ABCA3: variants seen among roughly 807,000 people sequenced by gnomAD.
The protein encoded by ABCA3 is phospholipid-transporting ATPase ABCA3.
ABCA3 carries 88 observed loss-of-function variants against 172.8 expected under a neutral mutation model. The ratio of observed to expected loss-of-function variants is 0.51; its 90% CI spans 0.43 to 0.61. The LOEUF is 0.61. Among genes scored for constraint, ABCA3 ranks in the 20% least tolerant of loss-of-function variants. The pLI, the probability that ABCA3 is intolerant of heterozygous loss-of-function variation, is 0.00. For missense variants in ABCA3, 2,164 were observed against 2,301.0 expected, an observed-to-expected ratio of 0.94 and a Z score of 1.22; for synonymous variants, 1,066 against 983.8, an observed-to-expected ratio of 1.08 and a Z score of -1.56.
At chr16:2,319,301 C>T (rs1328407078) in intron 8 of ABCA3, among the ~76,000 whole-genome samples, 17 of 152,036 alleles carry the variant, frequency 1.1e-4, no homozygotes, top group East Asian at 3.9e-4. Context: ...CTGGCTAACA[C>T]GGTGAAACCA....
At position 2,284,362 on chromosome 16, in the gene ABCA3, G is replaced by C; in HGVS notation, c.3779C>G (p.Ala1260Gly). ...LVLPNHCLGM[A>G]VSSFYENYET... is the part of the protein sequence containing the mutation. ...GTAGTTCTCGTAGAAACTGCTGACT[G>C]CCATCCCCAGACAGTGGTTGGGCAG... is the stretch of plus-strand genomic sequence containing the variant. Residue 1260 changes from alanine to glycine, a missense_variant, in exon 25 of 33, where the codon GCA (alanine) becomes GGA (glycine). Ala to Gly is a moderately conservative substitution (Grantham distance 60). Around this residue, in one of 3 missense-constraint regions of ABCA3, gnomAD observed 795 missense variants for 881.9 expected, o/e 0.90. Coordinates refer to ENST00000301732, the MANE Select transcript of ABCA3 (RefSeq NM_001089.3). The surrounding 1 kb of genome is among the most constrained non-coding windows in gnomAD (Gnocchi z 5.9). 1 of 1,613,994 alleles carries C rather than the reference G, an allele frequency of 6.2e-7. No homozygotes were observed. The highest frequency in any genetic ancestry group is 1.1e-5 in the South Asian group (1 of 91,088).
At chr16:2,294,917 A>C (rs944275481) in intron 18 of ABCA3, among the ~76,000 whole-genome samples, 1 of 152,154 alleles carries the variant, frequency 6.6e-6, no homozygotes, top group African/African-American at 2.4e-5. Context: ...TGGGAGGCAG[A>C]GGTTGCAGTG....
intron 12 of ABCA3, 110 bp downstream of exon 12, chr16:2,303,859 C>G (rs1322899911): frequency 2.4e-6 from 3 of 1,261,844 alleles, no homozygotes; most frequent in Non-Finnish European, 2.3e-6. Flanking sequence ...TGTGTGCCAG[C>G]CCCACGCAGG....
At chr16:2,312,012 G>C (rs992664446) in intron 10 of ABCA3, among the ~76,000 whole-genome samples, 4 of 152,130 alleles carry the variant, frequency 2.6e-5, no homozygotes, top group African/African-American at 9.7e-5. Context: ...TAGTTCGTTT[G>C]GAAAATACTG....
In ABCA3 at chr16:2,278,075, G is replaced by A. The variant is rs778293712; in HGVS notation, c.4719-6C>T. The stretch of plus-strand genomic sequence containing the variant: ...GGGCCTCACACTCCTCCATGCTGTG[G>A]AGAGGGCGGGACCTCAGATAGGGCT... On this transcript the variant is annotated splice_region_variant and splice_polypyrimidine_tract_variant and intron_variant, in intron 30 of 32. Coordinates refer to ENST00000301732, the MANE Select transcript of ABCA3 (RefSeq NM_001089.3). The surrounding 1 kb of genome is among the most constrained non-coding windows in gnomAD (Gnocchi z 4.4). 8 of 1,613,250 alleles carry A rather than the reference G, an allele frequency of 5.0e-6. No individual in the cohort carries two copies. Among genetic ancestry groups the A allele is most frequent in the Admixed American group, 1.7e-5 (1 of 59,994 alleles).
Position 2,297,616 on chromosome 16 carries a change from T to C in ABCA3, c.2053-77A>G. The C allele has an allele frequency of 1.3e-6, 2 of 1,594,362 alleles. No individual in the cohort carries two copies. Among genetic ancestry groups the C allele is most frequent in the Non-Finnish European group, 1.7e-6 (2 of 1,171,378 alleles). ...CAGGCTGGCCTTGCGGTAGGCCCCA[T>C]CGAGGGGTTCGCGGAGCCGGCTTGA... On this transcript the variant is annotated intron_variant, in intron 16 of 32. Transcript: ENST00000301732. This position sits in a 1 kb window ranked among gnomAD's most constrained non-coding sequence, Gnocchi z 5.6.
In ABCA3 at chr16:2,289,543, C is replaced by T. The variant is rs1401505478; in HGVS notation, c.2591G>A (p.Arg864His). Reference sequence around the variant, plus strand: ...GCTGTCCACAGCCCAGTCGCTGGCGCGCCTCTCGTGCTGGTACTGCAGGGC... The same window carrying T: ...GCTGTCCACAGCCCAGTCGCTGGCGTGCCTCTCGTGCTGGTACTGCAGGGC... ...LPALQYQHER[R>H]ASDWAVDSNL... Residue 864 changes from arginine (R) to histidine (H), a missense_variant, in exon 20 of 33, where the codon CGC (arginine) becomes CAC (histidine). Arg to His is a conservative substitution (Grantham distance 29). Around this residue, in one of 3 missense-constraint regions of ABCA3, gnomAD observed 1,343 missense variants for 1,369.6 expected, o/e 0.98. Transcript: ENST00000301732. The T allele has an allele frequency of 3.2e-6, 5 of 1,571,082 alleles. No individual in the cohort carries two copies. Among genetic ancestry groups the T allele is most frequent in the South Asian group, 1.2e-5 (1 of 85,566 alleles).
In ABCA3 at chr16:2,323,824, C is replaced by A. The variant is rs574539388; in HGVS notation, c.448-136G>T. 18 of 1,038,386 alleles carry A rather than the reference C, an allele frequency of 1.7e-5. No individual in the cohort carries two copies. In the African/African-American group the frequency reaches 2.8e-4, roughly 16 times the overall value. 64.3% of individuals were successfully genotyped at this position (1,038,386 alleles called of 1,614,324 possible). ...CTCCCCCGCCTCTGAGTATCTCCAA[C>A]AGGCCCCGGAATGTCACACTGAGTG... On this transcript the variant is annotated intron_variant, in intron 6 of 32. Coordinates refer to ENST00000301732, the MANE Select transcript of ABCA3 (RefSeq NM_001089.3).
chr16:2,298,382 T>G lies in ABCA3; in HGVS notation c.1896+4A>C, dbSNP rs768597015. Reference sequence around the variant, plus strand: ...CCCCTGCACACCCCTGGCCCCCAACTCACCTGGGCGTAGAAATAAAGGTGC... The same window carrying G: ...CCCCTGCACACCCCTGGCCCCCAACGCACCTGGGCGTAGAAATAAAGGTGC... On this transcript the variant is annotated splice_donor_region_variant and intron_variant, in intron 15 of 32. Transcript: ENST00000301732. The G allele has an allele frequency of 6.2e-7, 1 of 1,613,946 alleles. No homozygotes were observed. Among genetic ancestry groups the G allele is most frequent in the Non-Finnish European group, 8.5e-7 (1 of 1,179,962 alleles).
intron 7 of ABCA3, 37 bp downstream of exon 7, chr16:2,323,486 C>T: frequency 1.9e-6 from 3 of 1,613,434 alleles, no homozygotes; most frequent in South Asian, 1.1e-5. Flanking sequence ...AGTCAACAGC[C>T]CGGGCTGGTA....
chr16:2,292,356 T>G, intron 18 of ABCA3, 118 bp from the exon 19 acceptor site: 1 of 827,142 alleles, frequency 1.2e-6, no homozygotes, highest in Non-Finnish European at 2.0e-6. Flanking sequence ...CCCCAGCACT[T>G]TGGGACGCCA....
intron 10 of ABCA3, among the ~76,000 whole-genome samples, chr16:2,314,049 A>C (rs1289705845): frequency 6.6e-6 from 1 of 152,154 alleles, no homozygotes; most frequent in Non-Finnish European, 1.5e-5. Flanking sequence ...GGGAATGCGC[A>C]CCGGTGCAGA....
chr16:2,301,147 C>T (rs527305906), intron 12 of ABCA3, among the ~76,000 whole-genome samples: 10 of 150,928 alleles, frequency 6.6e-5, no homozygotes, highest in South Asian at 4.2e-4. Flanking sequence ...AGGAGAATGG[C>T]GTGAACCCGG....
intron 28 of ABCA3, among the ~76,000 whole-genome samples, chr16:2,280,207 TC>T (rs1596828847): frequency 6.6e-6 from 1 of 152,244 alleles, no homozygotes; most frequent in East Asian, 1.9e-4. Flanking sequence ...CGGTTTTCTC[TC>T]CCCTGCATAG....
At chr16:2,339,358 G>A (rs1351012998) in intron 1 of ABCA3, 1 of 152,080 alleles carries the variant, frequency 6.6e-6, no homozygotes, top group Non-Finnish European at 1.5e-5. Flanking sequence ...AGGGAGAGAC[G>A]TCGTCCTGTT....
At chr16:2,335,027 C>T (rs531716407) in intron 1 of ABCA3, among the ~76,000 whole-genome samples, 4 of 151,980 alleles carry the variant, frequency 2.6e-5, no homozygotes, top group African/African-American at 7.2e-5. Context: ...CGGGGTTTCA[C>T]CATGTTGGCC....
chr16:2,325,910 C>T (rs2093733434), intron 5 of ABCA3, 100 bp downstream of exon 5: 3 of 1,538,160 alleles, frequency 2.0e-6, no homozygotes, highest in South Asian at 2.3e-5. Context: ...AGGGTGAACT[C>T]CTCACCCAGC....
chr16:2,330,316 T>C (rs1488564270), intron 1 of ABCA3, among the ~76,000 whole-genome samples: 5 of 134,352 alleles, frequency 3.7e-5, no homozygotes, highest in South Asian at 2.3e-4. Flanking sequence ...GAATATAAGC[T>C]CTATTTTTTT....
At chr16:2,339,978 C>G (rs559987538) in intron 1 of ABCA3, among the ~76,000 whole-genome samples, 2 of 152,388 alleles carry the variant, frequency 1.3e-5, no homozygotes, top group South Asian at 4.1e-4. Context: ...TAGCGGCTCC[C>G]CTTTCCCGTT....
Sources: gnomAD v4.1 joint callset for allele counts (sites outside exome capture counted in the v4.1 genomes callset) on GRCh38, gnomAD v4.1.1 for gene constraint, gnomAD v4.1.1 regional missense constraint, Gnocchi (gnomAD v3.1) non-coding constraint, MANE v1.5 for transcripts, NCBI Gene and HGNC (gene_info 2026-07-23, HGNC 2026-07-21) for gene names.